LRRTM4: variants seen among roughly 807,000 people sequenced by gnomAD.
LRRTM4 encodes the protein leucine-rich repeat transmembrane neuronal protein 4.
In LRRTM4, 25 loss-of-function variants were observed where a neutral mutation model predicts 47.6. The observed-to-expected ratio is 0.53, with a 90% CI of 0.38 to 0.73. The LOEUF is 0.73. Ranked by LOEUF, LRRTM4 falls within the 30% of genes least tolerant of loss-of-function variation. The probability of loss-of-function intolerance (pLI) is 0.00; values close to 1 mark genes in which losing one functional copy is unlikely to be tolerated. For missense variants in LRRTM4, 638 were observed against 713.4 expected, an observed-to-expected ratio of 0.89 and a Z score of 1.20; for synonymous variants, 311 against 269.5, an observed-to-expected ratio of 1.15 and a Z score of -1.51.
chr2:77,158,722 A>C (rs1672626730), intron 3 of LRRTM4, among the ~76,000 whole-genome samples: 1 of 152,036 alleles, frequency 6.6e-6, no homozygotes, highest in South Asian at 2.1e-4. Context: ...AGAAAGTACA[A>C]AAGTTGAAAC....
At chr2:76,835,839 A>C (rs1671495230) in intron 3 of LRRTM4, among the ~76,000 whole-genome samples, 1 of 152,148 alleles carries the variant, frequency 6.6e-6, no homozygotes. Flanking sequence ...GACCTATCAG[A>C]AAATAGATTA....
chr2:76,958,627 A>G (rs984408286), intron 3 of LRRTM4, among the ~76,000 whole-genome samples: 1 of 151,714 alleles, frequency 6.6e-6, no homozygotes, highest in African/African-American at 2.4e-5. Flanking sequence ...GAGGGTCTTC[A>G]TAACTCTTGA....
At chr2:77,025,775 C>G (rs1207601785) in intron 3 of LRRTM4, among the ~76,000 whole-genome samples, 1 of 152,158 alleles carries the variant, frequency 6.6e-6, no homozygotes, top group East Asian at 1.9e-4. Context: ...CTCCACCCTA[C>G]TGACTACACA....
At chr2:76,956,856 T>C (rs1675691372) in intron 3 of LRRTM4, among the ~76,000 whole-genome samples, 1 of 151,324 alleles carries the variant, frequency 6.6e-6, no homozygotes, top group Non-Finnish European at 1.5e-5. Flanking sequence ...TGGATAAATT[T>C]CTAGAAACCT....
At chr2:76,942,519 A>G (rs970252852) in intron 3 of LRRTM4, among the ~76,000 whole-genome samples, 8 of 149,886 alleles carry the variant, frequency 5.3e-5, no homozygotes, top group African/African-American at 2.0e-4. Context: ...CGATAAAAAC[A>G]TTCTCAGAGT....
At chr2:77,428,262 T>A (rs1189375029) in intron 3 of LRRTM4, among the ~76,000 whole-genome samples, 1 of 152,152 alleles carries the variant, frequency 6.6e-6, no homozygotes, top group African/African-American at 2.4e-5. Flanking sequence ...AACACGAGAA[T>A]GGACTGATAC....
At chr2:77,506,589 G>A (rs1419324110) in intron 3 of LRRTM4, among the ~76,000 whole-genome samples, 2 of 151,760 alleles carry the variant, frequency 1.3e-5, no homozygotes, top group Non-Finnish European at 3.0e-5. Context: ...ATAATGTTAG[G>A]GGTATATGTG....
chr2:77,241,728 T>C (rs1041498242), intron 3 of LRRTM4, among the ~76,000 whole-genome samples: 1 of 152,136 alleles, frequency 6.6e-6, no homozygotes, highest in Non-Finnish European at 1.5e-5. Context: ...TTTATTGAGA[T>C]ACATACATCT....
At chr2:76,899,438 G>T (rs1673545957) in intron 3 of LRRTM4, among the ~76,000 whole-genome samples, 2 of 151,798 alleles carry the variant, frequency 1.3e-5, no homozygotes, top group Non-Finnish European at 2.9e-5. Context: ...AATGATTTTA[G>T]GGTTGACTAC....
Position 77,438,927 on chromosome 2 carries a change from TG to T in LRRTM4, c.1551+79390del, listed in dbSNP as rs1558743900. ...AAGCATCAGATATTAGACCTTGTTA[TG>T]GGGGCATACTGCAATTGAACTATAC... On this transcript the variant is annotated intron_variant, in intron 3 of 3. Transcript: ENST00000409884. Among the ~76,000 whole-genome samples, 4 of 152,290 alleles carry T rather than the reference TG, an allele frequency of 2.6e-5. No individual in the cohort carries two copies. The South Asian group carries it at 8.3e-4, about 32-fold the overall frequency.
rs191143494 is a variant in LRRTM4 at position 77,465,056 on chromosome 2, C to A, written c.1551+53262G>T. 2.6e-5 allele frequency among the ~76,000 whole-genome samples: 4 copies of A among 152,236 alleles called. No individual in the cohort carries two copies. In the East Asian group the frequency reaches 7.7e-4, roughly 29 times the overall value. On this transcript the variant is annotated intron_variant, in intron 3 of 3. Transcript: ENST00000409884. ...GGAGAACAAAAATTATGGAATACAT[C>A]ATTTTCATAGTCTCAGAGGCTCAAA...
intron 3 of LRRTM4, among the ~76,000 whole-genome samples, chr2:77,431,033 G>A (rs1490468951): frequency 6.7e-6 from 1 of 148,906 alleles, no homozygotes. Context: ...GAACTGGCAT[G>A]AGCAGCCCTC....
intron 3 of LRRTM4, among the ~76,000 whole-genome samples, chr2:77,211,746 T>C (rs1674299099): frequency 6.6e-6 from 1 of 152,138 alleles, no homozygotes; most frequent in Non-Finnish European, 1.5e-5. Flanking sequence ...CCATGTCTCT[T>C]GATACTTTAG....
chr2:77,521,203 A>T (rs1292540146), intron 2 of LRRTM4, among the ~76,000 whole-genome samples: 2 of 151,988 alleles, frequency 1.3e-5, no homozygotes, highest in Non-Finnish European at 2.9e-5. Flanking sequence ...GGAAATTCGG[A>T]AGCTGTGTTC....
chr2:77,408,805 G>A (rs186195359), intron 3 of LRRTM4, among the ~76,000 whole-genome samples: 65 of 152,096 alleles, frequency 4.3e-4, no homozygotes, highest in Non-Finnish European at 7.2e-4. Context: ...TCAATCCCCC[G>A]GTGTCTAATA....
In LRRTM4 at chr2:77,410,245, A is replaced by C. The variant is rs551043741; in HGVS notation, c.1551+108073T>G. Among the ~76,000 whole-genome samples the C allele has an allele frequency of 2.6e-5, 4 of 152,266 alleles. No homozygotes were observed. In the East Asian group the frequency reaches 7.7e-4, roughly 29 times the overall value. ...TTCAGTAGAAAGAGAACCACCAGAAACTTTTTCATGTCAGGTGTAACTAGA... is the reference window on the plus strand; with the variant it reads ...TTCAGTAGAAAGAGAACCACCAGAACCTTTTTCATGTCAGGTGTAACTAGA... On this transcript the variant is annotated intron_variant, in intron 3 of 3. Coordinates refer to ENST00000409884, the MANE Select transcript of LRRTM4 (RefSeq NM_001134745.3).
chr2:76,933,264 C>T (rs1047212434), intron 3 of LRRTM4, among the ~76,000 whole-genome samples: 1 of 152,016 alleles, frequency 6.6e-6, no homozygotes, highest in Non-Finnish European at 1.5e-5. Context: ...GTTTCTATTT[C>T]TAAAACAATA....
intron 3 of LRRTM4, among the ~76,000 whole-genome samples, chr2:77,284,380 T>G (rs1676593806): frequency 6.6e-6 from 1 of 152,270 alleles, no homozygotes; most frequent in South Asian, 2.1e-4. Context: ...TGGCTGGTAA[T>G]TACATTTTAT....
chr2:77,058,335 G>T (rs1422728703), intron 3 of LRRTM4, among the ~76,000 whole-genome samples: 1 of 152,172 alleles, frequency 6.6e-6, no homozygotes. Context: ...GTGTGTAACA[G>T]CTAGAGCTAC....
Sources: gnomAD v4.1 joint callset for allele counts (sites outside exome capture counted in the v4.1 genomes callset) on GRCh38, gnomAD v4.1.1 for gene constraint, MANE v1.5 for transcripts, NCBI Gene and HGNC (gene_info 2026-07-23, HGNC 2026-07-21) for gene names.